The following ATXN8OS variants were observed in gnomAD, a reference collection of about 807,000 sequenced individuals.
ATXN8OS encodes ATXN8 opposite strand (non-protein coding).
chr13:70,159,113 C>T (rs576110056), intron 4 of ATXN8OS, among the ~76,000 whole-genome samples: 24 of 151,558 alleles, frequency 1.6e-4, no homozygotes, highest in African/African-American at 3.2e-4. Flanking sequence ...TATAGTTCAA[C>T]GTATTTTAGA....
At chr13:70,139,268 C>A in intron 3 of ATXN8OS, 1 of 474,742 alleles carries the variant, frequency 2.1e-6, no homozygotes. Context: ...CCAGCTTCCA[C>A]GGAGAGATTA....
chr13:70,165,978 C>T (rs1245075957), intron 4 of ATXN8OS, among the ~76,000 whole-genome samples: 1 of 151,982 alleles, frequency 6.6e-6, no homozygotes, highest in Non-Finnish European at 1.5e-5. Context: ...ACTTCCTTAA[C>T]ACATTTTCCT....
At chr13:70,121,262 G>A (rs1442190743) in intron 2 of ATXN8OS, among the ~76,000 whole-genome samples, 1 of 152,096 alleles carries the variant, frequency 6.6e-6, no homozygotes, top group Non-Finnish European at 1.5e-5. Context: ...ACTACTGAAA[G>A]CCACTCGGGT....
At chr13:70,167,056 A>C (rs1424344574) in intron 4 of ATXN8OS, among the ~76,000 whole-genome samples, 2 of 151,992 alleles carry the variant, frequency 1.3e-5, no homozygotes, top group African/African-American at 4.8e-5. Flanking sequence ...GAACACTTTT[A>C]CACTGTTGGT....
intron 3 of ATXN8OS, chr13:70,131,010 A>G (rs1888525416): frequency 5.0e-6 from 2 of 398,530 alleles, no homozygotes; most frequent in Admixed American, 4.4e-5. Context: ...TTGACTGAAT[A>G]TCTTAAAGAG....
At chr13:70,141,477 T>C (rs1888714623) in intron 3 of ATXN8OS, among the ~76,000 whole-genome samples, 1 of 152,214 alleles carries the variant, frequency 6.6e-6, no homozygotes, top group African/African-American at 2.4e-5. Flanking sequence ...ATCATTATTT[T>C]ATGTGTATGG....
At chr13:70,128,576 G>A (rs1207028374) in intron 2 of ATXN8OS, among the ~76,000 whole-genome samples, 1 of 151,822 alleles carries the variant, frequency 6.6e-6, no homozygotes, top group East Asian at 1.9e-4. Flanking sequence ...TCTCAGTAGT[G>A]CATTTCAAAG....
chr13:70,151,121 T>A (rs188845914), intron 4 of ATXN8OS, among the ~76,000 whole-genome samples: 15 of 152,206 alleles, frequency 9.9e-5, no homozygotes, highest in African/African-American at 3.6e-4. Context: ...TGCTTGGGCT[T>A]GTTTTTTGCT....
At chr13:70,146,495 C>A (rs1184116788) in intron 3 of ATXN8OS, among the ~76,000 whole-genome samples, 1 of 152,078 alleles carries the variant, frequency 6.6e-6, no homozygotes. Context: ...TTCACAATAG[C>A]AAAGACTTGA....
intron 4 of ATXN8OS, among the ~76,000 whole-genome samples, chr13:70,166,454 C>T (rs945245663): frequency 3.9e-5 from 6 of 151,934 alleles, no homozygotes; most frequent in Non-Finnish European, 7.4e-5. Flanking sequence ...GGAAAACTGG[C>T]TAGCCATATG....
At chr13:70,145,735 C>A (rs1442979495) in intron 3 of ATXN8OS, among the ~76,000 whole-genome samples, 5 of 152,082 alleles carry the variant, frequency 3.3e-5, no homozygotes, top group African/African-American at 9.7e-5. Flanking sequence ...TGCTTCTCAG[C>A]TTAAGGAGAT....
chr13:70,150,301 A>G (rs1214852560), intron 4 of ATXN8OS, among the ~76,000 whole-genome samples: 3 of 152,114 alleles, frequency 2.0e-5, no homozygotes, highest in Non-Finnish European at 2.9e-5. Context: ...GTTTTCCCCA[A>G]TAACTTCTCT....
chr13:70,112,919 A>ATATAT lies in ATXN8OS; in HGVS notation n.241-2222_241-2221insTATAT, dbSNP rs3072593. 2.1e-3 allele frequency among the ~76,000 whole-genome samples: 254 copies of ATATAT among 122,988 alleles called. 6 individuals are homozygous for ATATAT. The highest frequency in any genetic ancestry group is 7.1e-3 in the South Asian group (28 of 3,950). 80.7% of individuals were successfully genotyped at this position (122,988 alleles called of 152,430 possible). A position where few individuals can be genotyped will look rare whatever the true frequency, so the allele number is the denominator to read the frequency against. ...CACTGCTGAGGGACTTTATATATAT[A>ATATAT]ATTTTTTTTTTTTTTTTTTTTGAGA... On this transcript the variant is annotated intron_variant and non_coding_transcript_variant, in intron 1 of 4. Transcript: ENST00000678624.
chr13:70,121,714 C>T (rs1456947765), intron 2 of ATXN8OS, among the ~76,000 whole-genome samples: 1 of 152,078 alleles, frequency 6.6e-6, no homozygotes, highest in Non-Finnish European at 1.5e-5. Flanking sequence ...TGTATATTCT[C>T]AAGTACTTTA....
At chr13:70,108,286 C>T (rs1227385707) in intron 1 of ATXN8OS, 2 of 366,310 alleles carry the variant, frequency 5.5e-6, no homozygotes, top group Non-Finnish European at 9.7e-6. Context: ...TTCGAGGATG[C>T]CCCGATAGCC....
intron 1 of ATXN8OS, among the ~76,000 whole-genome samples, chr13:70,114,417 A>G (rs1483998647): frequency 6.6e-6 from 1 of 152,200 alleles, no homozygotes; most frequent in East Asian, 1.9e-4. Flanking sequence ...AAAAAATATT[A>G]AAACAGATAA....
intron 4 of ATXN8OS, among the ~76,000 whole-genome samples, chr13:70,153,287 G>A (rs1382957685): frequency 6.6e-6 from 1 of 151,936 alleles, no homozygotes; most frequent in South Asian, 2.1e-4. Context: ...TATTGAAAAC[G>A]ATCCTGTCTG....
chr13:70,109,167 T>C (rs942870617), intron 1 of ATXN8OS, among the ~76,000 whole-genome samples: 12 of 152,266 alleles, frequency 7.9e-5, no homozygotes, highest in African/African-American at 2.9e-4. Flanking sequence ...CGAAGGCTAC[T>C]TACTATCTTG....
At chr13:70,114,671 G>C (rs946899554) in intron 1 of ATXN8OS, among the ~76,000 whole-genome samples, 3 of 151,732 alleles carry the variant, frequency 2.0e-5, no homozygotes, top group Non-Finnish European at 4.4e-5. Context: ...TTCTTAGTTG[G>C]ATAATGACTC....
Sources: gnomAD v4.1 joint callset for allele counts (sites outside exome capture counted in the v4.1 genomes callset) on GRCh38, gnomAD v4.1.1 for gene constraint, MANE v1.5 for transcripts, NCBI Gene and HGNC (gene_info 2026-07-23, HGNC 2026-07-21) for gene names.